Variants in PTCSC3 observed in about 807,000 individuals in gnomAD.
The protein encoded by PTCSC3 is papillary thyroid carcinoma susceptibility candidate 3 (non-protein coding).
chr14:36,148,921 C>T (rs2139095711), intron 3 of PTCSC3, among the ~76,000 whole-genome samples: 1 of 152,170 alleles, frequency 6.6e-6, no homozygotes, highest in South Asian at 2.1e-4. Flanking sequence ...GTTAGCCTGG[C>T]TAAGGGTTTA....
At chr14:36,163,785 A>C (rs949922972) in intron 1 of PTCSC3, among the ~76,000 whole-genome samples, 7 of 152,206 alleles carry the variant, frequency 4.6e-5, no homozygotes, top group African/African-American at 1.7e-4. Flanking sequence ...TTAACAGAAA[A>C]TGATATCTTT....
chr14:36,140,892 G>A (rs1169091652), intron 3 of PTCSC3, among the ~76,000 whole-genome samples: 1 of 152,070 alleles, frequency 6.6e-6, no homozygotes, highest in Non-Finnish European at 1.5e-5. Context: ...GATTCATTTT[G>A]AGTTGATTTT....
chr14:36,150,463 TA>T, intron 3 of PTCSC3, among the ~76,000 whole-genome samples: 1 of 152,180 alleles, frequency 6.6e-6, no homozygotes, highest in Non-Finnish European at 1.5e-5. Context: ...TCCAGAACAG[TA>T]AGAAATAAAC....
intron 2 of PTCSC3, among the ~76,000 whole-genome samples, chr14:36,158,863 G>A (rs985725723): frequency 6.6e-6 from 1 of 152,096 alleles, no homozygotes; most frequent in Non-Finnish European, 1.5e-5. Flanking sequence ...GTAGAATTTG[G>A]CTGTGAATCC....
chr14:36,168,435 T>C (rs1161248286), intron 1 of PTCSC3, among the ~76,000 whole-genome samples: 1 of 146,780 alleles, frequency 6.8e-6, no homozygotes, highest in African/African-American at 2.6e-5. Context: ...ACTTTGCTAT[T>C]ACTCTAATTA....
chr14:36,161,697 G>T (rs1163874683), intron 2 of PTCSC3, among the ~76,000 whole-genome samples: 1 of 152,184 alleles, frequency 6.6e-6, no homozygotes. Context: ...GGAGACATGG[G>T]GGTCAGGGAC....
At chr14:36,157,585 G>A (rs1224389692) in intron 2 of PTCSC3, among the ~76,000 whole-genome samples, 1 of 152,006 alleles carries the variant, frequency 6.6e-6, no homozygotes, top group Non-Finnish European at 1.5e-5. Flanking sequence ...GTAAGGAAGG[G>A]GTTCAGTTTC....
chr14:36,136,947 A>G (rs542431692), intron 3 of PTCSC3, among the ~76,000 whole-genome samples: 1 of 152,368 alleles, frequency 6.6e-6, no homozygotes, highest in Non-Finnish European at 1.5e-5. Flanking sequence ...TATTGAGAAT[A>G]TAGCATCAAA....
At chr14:36,165,722 C>CTTTTTTTTTT (rs71448056) in intron 1 of PTCSC3, among the ~76,000 whole-genome samples, 1 of 124,820 alleles carries the variant, frequency 8.0e-6, no homozygotes, top group Non-Finnish European at 1.7e-5. Context: ...TTTATTTTTC[C>CTTTTTTTTTT]TTTTTTTTTT....
At chr14:36,160,909 G>A (rs1367414493) in intron 2 of PTCSC3, among the ~76,000 whole-genome samples, 2 of 151,972 alleles carry the variant, frequency 1.3e-5, no homozygotes, top group Admixed American at 6.6e-5. Flanking sequence ...TTTCTTGGAG[G>A]CTTTGTTCAT....
intron 3 of PTCSC3, among the ~76,000 whole-genome samples, chr14:36,153,485 G>C (rs1380268574): frequency 6.6e-6 from 1 of 152,194 alleles, no homozygotes; most frequent in African/African-American, 2.4e-5. Context: ...GACACCCACA[G>C]TGTTAAGCAA....
At chr14:36,172,126 C>G (rs1882203923) in intron 1 of PTCSC3, among the ~76,000 whole-genome samples, 2 of 152,096 alleles carry the variant, frequency 1.3e-5, no homozygotes, top group South Asian at 4.1e-4. Flanking sequence ...GCTTTTGTGC[C>G]TGGCTTGCAT....
intron 3 of PTCSC3, among the ~76,000 whole-genome samples, chr14:36,152,521 A>G (rs916220112): frequency 5.3e-5 from 8 of 152,196 alleles, no homozygotes; most frequent in Non-Finnish European, 1.0e-4. Flanking sequence ...GATATTCACA[A>G]TACAAATAAG....
intron 2 of PTCSC3, among the ~76,000 whole-genome samples, chr14:36,154,271 G>GGAGT (rs1410540814): frequency 1.3e-5 from 2 of 152,028 alleles, no homozygotes; most frequent in African/African-American, 4.8e-5. Flanking sequence ...GTAGTTACAT[G>GGAGT]GAGTTTACTT....
intron 3 of PTCSC3, among the ~76,000 whole-genome samples, chr14:36,139,131 A>T (rs983253668): frequency 5.3e-5 from 8 of 150,334 alleles, no homozygotes; most frequent in Admixed American, 2.0e-4. Flanking sequence ...AAAAAAAAAA[A>T]AAAAAAAAAG....
chr14:36,175,460 T>C (rs1308665340), intron 1 of PTCSC3, among the ~76,000 whole-genome samples: 1 of 152,236 alleles, frequency 6.6e-6, no homozygotes, highest in Non-Finnish European at 1.5e-5. Context: ...AAATCACATT[T>C]CCACGTTGGG....
chr14:36,136,388 A>G (rs887667185), intron 3 of PTCSC3: 5 of 152,266 alleles, frequency 3.3e-5, no homozygotes, highest in African/African-American at 1.2e-4. Context: ...AGGATTAACC[A>G]TTAGACATTT....
At chr14:36,172,908 A>G (rs1882214626) in intron 1 of PTCSC3, among the ~76,000 whole-genome samples, 1 of 151,888 alleles carries the variant, frequency 6.6e-6, no homozygotes, top group African/African-American at 2.4e-5. Context: ...TCATAAAGTA[A>G]TTGGCTCTTG....
intron 1 of PTCSC3, among the ~76,000 whole-genome samples, chr14:36,174,076 G>C (rs1287476032): frequency 6.6e-6 from 1 of 151,868 alleles, no homozygotes; most frequent in African/African-American, 2.4e-5. Flanking sequence ...AGATTTCCTT[G>C]TATGTGTCCC....
Sources: allele counts gnomAD v4.1 joint callset (sites outside exome capture counted in the v4.1 genomes callset), GRCh38; gene constraint gnomAD v4.1.1; transcripts MANE v1.5; gene names NCBI Gene and HGNC (gene_info 2026-07-23, HGNC 2026-07-21).